The following PLCZ1 variants were observed in gnomAD, a reference collection of about 807,000 sequenced individuals.
The protein encoded by PLCZ1 is 1-phosphatidylinositol 4,5-bisphosphate phosphodiesterase zeta-1.
PLCZ1 carries 64 observed loss-of-function variants against 76.8 expected under a neutral mutation model. The ratio of observed to expected loss-of-function variants is 0.83; its 90% confidence interval spans 0.68 to 1.03. The LOEUF is 1.03. Among genes scored for constraint, PLCZ1 ranks in the 50% least tolerant of loss-of-function variants. PLCZ1 has a pLI of 0.00. For missense variants in PLCZ1, 751 were observed against 713.7 expected, an observed-to-expected ratio of 1.05 and a Z score of -0.60; for synonymous variants, 248 against 230.8, an observed-to-expected ratio of 1.07 and a Z score of -0.68.
At chr12:18,671,115 G>A in the PLCZ1 span, among the ~76,000 whole-genome samples, 1 of 150,490 alleles carries the variant, frequency 6.6e-6, no homozygotes, top group African/African-American at 2.4e-5. Flanking sequence ...AAGTGGAGGT[G>A]ACAGTGATTT....
Position 18,687,938 on chromosome 12 carries a change from G to A in PLCZ1, c.1591+151C>T, listed in dbSNP as rs150782312. ...ACCTAATCATTATAAAAATGTTTTT[G>A]TTGCATATAACATTTTGCTAATTTT... On this transcript the variant is annotated intron_variant, in intron 13 of 14. Transcript: ENST00000266505. 853 of 882,044 alleles carry A rather than the reference G, an allele frequency of 9.7e-4. 3 individuals are homozygous for A. The African/African-American group carries it at 0.011, about 11-fold the overall frequency. 54.6% of individuals were successfully genotyped at this position (882,044 alleles called of 1,614,324 possible). A position where few individuals can be genotyped will look rare whatever the true frequency, so the allele number is the denominator to read the frequency against.
chr12:18,693,914 C>T (rs1954541998), intron 12 of PLCZ1: 3 of 1,526,740 alleles, frequency 2.0e-6, no homozygotes, highest in Non-Finnish European at 1.8e-6. Context: ...TGATGTAACC[C>T]TGCACGACTT....
At chr12:18,655,040 T>A in the PLCZ1 span, among the ~76,000 whole-genome samples, 2 of 151,742 alleles carry the variant, frequency 1.3e-5, no homozygotes, top group African/African-American at 4.8e-5. Flanking sequence ...CTTAAAAGTA[T>A]ACAGAAACAA....
At chr12:18,667,731 T>C in the PLCZ1 span, among the ~76,000 whole-genome samples, 1 of 152,166 alleles carries the variant, frequency 6.6e-6, no homozygotes, top group Non-Finnish European at 1.5e-5. Flanking sequence ...TAAGCAATAG[T>C]ATTTCTATGT....
intron 7 of PLCZ1, among the ~76,000 whole-genome samples, chr12:18,703,913 ATT>A (rs1470890350): frequency 6.6e-6 from 1 of 152,212 alleles, no homozygotes; most frequent in East Asian, 1.9e-4. Context: ...TTACAAAAAT[ATT>A]GTTATGTCTA....
chr12:18,667,032 A>G, the PLCZ1 span, among the ~76,000 whole-genome samples: 1 of 152,294 alleles, frequency 6.6e-6, no homozygotes, highest in South Asian at 2.1e-4. Context: ...GGTGTAGGCT[A>G]TATCACCAGA....
intron 3 of PLCZ1, among the ~76,000 whole-genome samples, chr12:18,730,174 G>T (rs1322687615): frequency 6.6e-6 from 1 of 152,142 alleles, no homozygotes; most frequent in African/African-American, 2.4e-5. Flanking sequence ...TGCTCTGAGA[G>T]ACTAGAAGAT....
chr12:18,663,852 T>A, the PLCZ1 span, among the ~76,000 whole-genome samples: 1 of 152,160 alleles, frequency 6.6e-6, no homozygotes, highest in African/African-American at 2.4e-5. Context: ...ATACATCTTA[T>A]AAGGAATTAA....
chr12:18,718,113 T>C lies in PLCZ1; in HGVS notation c.569+1318A>G, dbSNP rs562455676. Reference sequence around the variant, plus strand: ...GTAAGCTAGTGTAAGTGTGTTAAAGTAAGCTAGGTGAAGCTATAATGTTTG... The same window carrying C: ...GTAAGCTAGTGTAAGTGTGTTAAAGCAAGCTAGGTGAAGCTATAATGTTTG... On this transcript the variant is annotated intron_variant, in intron 5 of 14. Transcript: ENST00000266505. 2.0e-3 allele frequency among the ~76,000 whole-genome samples: 300 copies of C among 152,260 alleles called. 2 individuals carry two copies. Among genetic ancestry groups the C allele is most frequent in the Non-Finnish European group, 3.5e-3 (239 of 68,012 alleles).
At position 18,723,535 on chromosome 12, in the gene PLCZ1, T is replaced by C; in HGVS notation, c.143A>G (p.Asp48Gly). ...GGTGATTCTTCCTTGTTTCAGCCTGTCATTGTCCTACTAAAAAAATGACTG... is the reference window on the plus strand; with the variant it reads ...GGTGATTCTTCCTTGTTTCAGCCTGCCATTGTCCTACTAAAAAAATGACTG... ...IHVKQIFKDN[D>G]RLKQGRITIE... Residue 48 changes from aspartate (D) to glycine (G), a missense_variant, in exon 4 of 15, where the codon GAC (aspartate) becomes GGC (glycine). Transcript: ENST00000266505. 1 of 1,611,592 alleles carries C rather than the reference T, an allele frequency of 6.2e-7. No homozygotes were observed.
chr12:18,721,030 T>C (rs1958405796), intron 4 of PLCZ1, among the ~76,000 whole-genome samples: 1 of 152,070 alleles, frequency 6.6e-6, no homozygotes, highest in African/African-American at 2.4e-5. Context: ...TTTCAAGCCA[T>C]ATAAATTTAG....
At position 18,699,819 on chromosome 12, in the gene PLCZ1, TTG is replaced by T. The variant is rs1364465408; in HGVS notation, c.1147_1148del (p.Gln383SerfsTer11). The T allele has an allele frequency of 6.2e-7, 1 of 1,613,624 alleles. No individual in the cohort carries two copies. Among genetic ancestry groups the T allele is most frequent in the Non-Finnish European group, 8.5e-7 (1 of 1,179,752 alleles). The stretch of plus-strand genomic sequence containing the variant: ...CTCGCAATTTTGAAAGTTTTCGGGC[TTG>T]TGTCTCCCCAATAGAATTATTTTCA... ...FNENNSIGET[Q>X]ARKLSKLRVH... On this transcript the variant is annotated frameshift_variant, in exon 10 of 15. Coordinates refer to ENST00000266505, the MANE Select transcript of PLCZ1 (RefSeq NM_033123.4). LOFTEE classifies it high-confidence loss of function.
rs377112594 is a variant in PLCZ1, at chr12:18,690,801, G to A, written c.1462-2583C>T. On this transcript the variant is annotated intron_variant, in intron 12 of 14. Coordinates refer to ENST00000266505, the MANE Select transcript of PLCZ1 (RefSeq NM_033123.4). Reference sequence around the variant, plus strand: ...ACAGGAAGAGCCTACGCAATTCGTGGAGGTGAGTCATGGTTAGAGAAGGAT... The same window carrying A: ...ACAGGAAGAGCCTACGCAATTCGTGAAGGTGAGTCATGGTTAGAGAAGGAT... Among the ~76,000 whole-genome samples the A allele has an allele frequency of 2.1e-4, 32 of 152,252 alleles. No homozygotes were observed. In the South Asian group the frequency reaches 6.4e-3, roughly 31 times the overall value.
rs1444195684 is a variant in PLCZ1 at position 18,701,828 on chromosome 12, T to C, written c.865-52A>G. The stretch of plus-strand genomic sequence containing the variant: ...TTACACATTTACAAGTAAATTTGCA[T>C]TGTAACAGTCACTGAAAAGTGTTTC... On this transcript the variant is annotated intron_variant, in intron 7 of 14. Transcript: ENST00000266505. The C allele has an allele frequency of 1.5e-5, 23 of 1,553,744 alleles. No individual in the cohort carries two copies. In the East Asian group the frequency reaches 5.3e-4, roughly 36 times the overall value.
At chr12:18,719,676 C>T (rs1269873414) in intron 4 of PLCZ1, 44 bp from the exon 5 acceptor site, 5 of 1,373,230 alleles carry the variant, frequency 3.6e-6, no homozygotes, top group Non-Finnish European at 1.0e-6. Flanking sequence ...GCAAAAATAC[C>T]ATTAGCAAGA....
chr12:18,711,933 T>A (rs1044408639), intron 6 of PLCZ1, among the ~76,000 whole-genome samples: 3 of 152,144 alleles, frequency 2.0e-5, no homozygotes, highest in African/African-American at 7.2e-5. Flanking sequence ...TATATGATAT[T>A]TGTATCTTTG....
the PLCZ1 span, among the ~76,000 whole-genome samples, chr12:18,660,264 A>T: frequency 6.6e-6 from 1 of 152,086 alleles, no homozygotes; most frequent in Admixed American, 6.6e-5. Flanking sequence ...GCTTGCCGAA[A>T]CCAGCAGGAG....
At chr12:18,698,360 A>C (rs897813879) in intron 10 of PLCZ1, among the ~76,000 whole-genome samples, 1 of 151,800 alleles carries the variant, frequency 6.6e-6, no homozygotes, top group African/African-American at 2.4e-5. Flanking sequence ...ATTTAACTGT[A>C]GTCCAGACCT....
the PLCZ1 span, among the ~76,000 whole-genome samples, chr12:18,661,341 A>G: frequency 8.8e-6 from 1 of 113,202 alleles, no homozygotes; most frequent in Non-Finnish European, 2.2e-5. Flanking sequence ...GACCCGTACC[A>G]AGACATTATA....
Sources: allele counts gnomAD v4.1 joint callset (sites outside exome capture counted in the v4.1 genomes callset), GRCh38; gene constraint gnomAD v4.1.1; transcripts MANE v1.5; gene names NCBI Gene and HGNC (gene_info 2026-07-23, HGNC 2026-07-21).